CLNK: variants seen among roughly 807,000 people sequenced by gnomAD.
CLNK encodes the protein cytokine dependent hematopoietic cell linker, also known as cytokine-dependent hematopoietic cell linker.
CLNK carries 74 observed loss-of-function variants against 68.6 expected under a neutral mutation model. That is an observed-to-expected ratio of 1.08 (90% confidence interval 0.89 to 1.31). The LOEUF (loss-of-function observed/expected upper bound fraction) is 1.31, where lower values mean the gene tolerates loss of function less well. Ranked by LOEUF, CLNK falls within the 50% of genes most tolerant of loss-of-function variation. CLNK has a pLI of 0.00. For missense variants in CLNK, 553 were observed against 515.3 expected (o/e 1.07, Z -0.71); for synonymous variants, 198 against 172.2 (o/e 1.15, Z -1.17).
Position 10,540,564 on chromosome 4 carries a change from G to C in CLNK, c.532C>G (p.Pro178Ala), listed in dbSNP as rs77106041. The C allele has an allele frequency of 6.2e-7, 1 of 1,613,906 alleles. No individual in the cohort carries two copies. Among genetic ancestry groups the C allele is most frequent in the South Asian group, 1.1e-5 (1 of 91,082 alleles). Residue 178 changes from proline (P) to alanine (A), a missense_variant, in exon 11 of 19, where the codon CCT (proline) becomes GCT (alanine). Coordinates refer to ENST00000226951, the MANE Select transcript of CLNK (RefSeq NM_052964.4). ...TLPKKYQPLP[P>A]EPESSRPPLS... Reference sequence around the variant, plus strand: ...GGTGGCCTGCTGCTCTCCGGCTCAGGGGGCAAGGGTTGGTACTTCTTCGGA... The same window carrying C: ...GGTGGCCTGCTGCTCTCCGGCTCAGCGGGCAAGGGTTGGTACTTCTTCGGA...
At chr4:10,642,269 A>AGAATTGT (rs1723335581) in intron 2 of CLNK, among the ~76,000 whole-genome samples, 1 of 152,204 alleles carries the variant, frequency 6.6e-6, no homozygotes, top group Non-Finnish European at 1.5e-5. Context: ...GACAAGTCTC[A>AGAATTGT]GAATTGTGCT....
chr4:10,637,583 C>CTTTTTTTTTT (rs1158317670), intron 2 of CLNK, among the ~76,000 whole-genome samples: 1 of 71,416 alleles, frequency 1.4e-5, no homozygotes, highest in Non-Finnish European at 2.4e-5. Context: ...CACCATTCCT[C>CTTTTTTTTTT]TTTTTTTTTT....
chr4:10,691,621 G>T, the CLNK span, among the ~76,000 whole-genome samples: 2 of 149,424 alleles, frequency 1.3e-5, no homozygotes, highest in Admixed American at 1.3e-4. Flanking sequence ...AAAAAAAACT[G>T]CTTTGGGTTA....
intron 2 of CLNK, among the ~76,000 whole-genome samples, chr4:10,621,045 G>A (rs1337115065): frequency 1.3e-5 from 2 of 152,144 alleles, no homozygotes; most frequent in African/African-American, 4.8e-5. Flanking sequence ...GGGAGACAGA[G>A]CTTGCAGTGA....
At chr4:10,527,859 C>T (rs568074143) in intron 13 of CLNK, among the ~76,000 whole-genome samples, 2 of 152,228 alleles carry the variant, frequency 1.3e-5, no homozygotes, top group Admixed American at 6.5e-5. Flanking sequence ...GACATCTGGC[C>T]TATCCTGGAT....
chr4:10,733,492 A>T, the CLNK span, among the ~76,000 whole-genome samples: 2 of 152,212 alleles, frequency 1.3e-5, no homozygotes, highest in Non-Finnish European at 2.9e-5. Flanking sequence ...TTTCTGATGT[A>T]TAAAATGGGG....
At chr4:10,597,554 G>C (rs930719469) in intron 3 of CLNK, among the ~76,000 whole-genome samples, 14 of 152,146 alleles carry the variant, frequency 9.2e-5, no homozygotes, top group Non-Finnish European at 2.1e-4. Flanking sequence ...CTCAATTGAA[G>C]GACAAAGGAA....
At chr4:10,584,116 G>A (rs536329522) in intron 4 of CLNK, among the ~76,000 whole-genome samples, 6 of 152,274 alleles carry the variant, frequency 3.9e-5, no homozygotes, top group Admixed American at 1.3e-4. Context: ...TCTGTAGAGG[G>A]ATTAAGGCTG....
chr4:10,517,475 A>G (rs549073784), intron 15 of CLNK: 1 of 152,222 alleles, frequency 6.6e-6, no homozygotes, highest in Non-Finnish European at 1.5e-5. Context: ...CAGAGAGAGT[A>G]AAAGGATGGA....
At chr4:10,589,768 C>T (rs1271071402) in intron 3 of CLNK, among the ~76,000 whole-genome samples, 1 of 152,236 alleles carries the variant, frequency 6.6e-6, no homozygotes, top group Non-Finnish European at 1.5e-5. Context: ...TGTGTTAACA[C>T]TCTGCAACTT....
intron 2 of CLNK, among the ~76,000 whole-genome samples, chr4:10,658,203 G>T (rs1337403828): frequency 6.6e-6 from 1 of 152,154 alleles, no homozygotes; most frequent in Non-Finnish European, 1.5e-5. Context: ...CCTCTTATTA[G>T]CATCCTGCTC....
At chr4:10,730,331 A>T in the CLNK span, among the ~76,000 whole-genome samples, 14 of 152,284 alleles carry the variant, frequency 9.2e-5, no homozygotes, top group South Asian at 2.5e-3. Flanking sequence ...TATATGACTC[A>T]TCTGTTTCCC....
At chr4:10,723,961 G>A in the CLNK span, among the ~76,000 whole-genome samples, 1 of 136,546 alleles carries the variant, frequency 7.3e-6, no homozygotes, top group Admixed American at 7.7e-5. Flanking sequence ...TGTGTGGGTG[G>A]GATATATGAG....
intron 18 of CLNK, among the ~76,000 whole-genome samples, chr4:10,499,944 T>A (rs550915705): frequency 1.3e-5 from 2 of 152,292 alleles, no homozygotes; most frequent in Non-Finnish European, 2.9e-5. Context: ...TTCAAAGCCC[T>A]ATCTTCAAAT....
At chr4:10,516,517 G>A (rs1260228254) in intron 15 of CLNK, among the ~76,000 whole-genome samples, 18 of 150,660 alleles carry the variant, frequency 1.2e-4, no homozygotes, top group Non-Finnish European at 1.5e-5. Flanking sequence ...CTGATACACT[G>A]GCAATTTTAT....
intron 3 of CLNK, among the ~76,000 whole-genome samples, chr4:10,593,300 A>G (rs1721253418): frequency 2.0e-5 from 3 of 151,948 alleles, no homozygotes; most frequent in South Asian, 2.1e-4. Context: ...TATGGCCAGC[A>G]GGTTCCTGGG....
chr4:10,719,488 G>A, the CLNK span, among the ~76,000 whole-genome samples: 40 of 152,000 alleles, frequency 2.6e-4, no homozygotes, highest in African/African-American at 9.6e-4. Flanking sequence ...TATGATAAAA[G>A]GGCCAACCCA....
intron 2 of CLNK, among the ~76,000 whole-genome samples, chr4:10,607,743 G>A (rs1381754148): frequency 2.0e-5 from 3 of 152,134 alleles, no homozygotes; most frequent in African/African-American, 7.2e-5. Context: ...CCACAATCCT[G>A]GACAATGAGT....
chr4:10,508,989 C>T (rs1430471429), intron 16 of CLNK, among the ~76,000 whole-genome samples: 1 of 151,382 alleles, frequency 6.6e-6, no homozygotes, highest in Non-Finnish European at 1.5e-5. Context: ...TGCCTATAGT[C>T]CTAGCTACTT....
Sources: allele counts gnomAD v4.1 joint callset (sites outside exome capture counted in the v4.1 genomes callset), GRCh38; gene constraint gnomAD v4.1.1; transcripts MANE v1.5; gene names NCBI Gene and HGNC (gene_info 2026-07-23, HGNC 2026-07-21).